Variants in CCNB3 observed in about 807,000 individuals in gnomAD.
CCNB3 encodes cyclin B3.
Under a neutral mutation model 68.0 loss-of-function variants are expected in CCNB3, and 12 were observed. The observed-to-expected ratio is 0.18, with a 90% CI of 0.11 to 0.29. The LOEUF is 0.29. CCNB3 is among the 10% of genes least tolerant of loss of function. The pLI is 1.00. For missense variants in CCNB3, 904 were observed against 993.1 expected (o/e 0.91, Z 1.21); for synonymous variants, 354 against 388.9 (o/e 0.91, Z 1.06).
chrX:50,289,417 A>T (rs782463055), intron 4 of CCNB3, among the ~76,000 whole-genome samples: 4 of 111,676 alleles, frequency 3.6e-5, no homozygotes, highest in African/African-American at 1.3e-4. Flanking sequence ...TCGAGTCTTT[A>T]TGAAGATCTA....
intron 1 of CCNB3, among the ~76,000 whole-genome samples, chrX:50,222,568 T>C (rs948117994): frequency 8.9e-5 from 10 of 111,815 alleles, no homozygotes; most frequent in Non-Finnish European, 1.7e-4. Context: ...TGAAAATTAT[T>C]TTCTTCAAGA....
chrX:50,321,562 A>G (rs1396535356), intron 8 of CCNB3, among the ~76,000 whole-genome samples: 1 of 111,607 alleles, frequency 9.0e-6, no homozygotes, highest in African/African-American at 3.2e-5. Context: ...CTTTATCATA[A>G]TACTTCAGTT....
chrX:50,207,072 G>C (rs1320901531), intron 1 of CCNB3, among the ~76,000 whole-genome samples: 46 of 111,965 alleles, frequency 4.1e-4, no homozygotes, highest in South Asian at 3.8e-4. Flanking sequence ...TCTCTTGACA[G>C]AATCACTCCC....
intron 9 of CCNB3, among the ~76,000 whole-genome samples, chrX:50,345,450 T>TTCCCTTGCTCCCTCACCTGCTCTC (rs1923354267): frequency 3.0e-5 from 3 of 99,777 alleles, no homozygotes; most frequent in Non-Finnish European, 4.1e-5. Context: ...TTTCCTCTCT[T>TTCCCTTGCTCCCTCACCTGCTCTC]TCCCTTGCTC....
chrX:50,302,116 T>C (rs1469936304), intron 5 of CCNB3, among the ~76,000 whole-genome samples: 3 of 112,436 alleles, frequency 2.7e-5, no homozygotes, highest in African/African-American at 9.7e-5. Flanking sequence ...CTTCAACTCG[T>C]GCATGGTGCG....
intron 8 of CCNB3, among the ~76,000 whole-genome samples, chrX:50,316,539 T>C (rs1557215791): frequency 8.9e-6 from 1 of 112,123 alleles, no homozygotes; most frequent in Admixed American, 9.4e-5. Flanking sequence ...TTGATTTGTG[T>C]AACTGCCACT....
chrX:50,347,516 C>A, intron 10 of CCNB3, 110 bp from the exon 11 acceptor site: 1 of 727,354 alleles, frequency 1.4e-6, no homozygotes, highest in Non-Finnish European at 2.0e-6. Flanking sequence ...AGGCACATTA[C>A]TCAAACAGAG....
intron 11 of CCNB3, 48 bp downstream of exon 11, chrX:50,347,823 G>A: frequency 8.7e-7 from 1 of 1,147,643 alleles, no homozygotes. Flanking sequence ...TTAAAAAGCA[G>A]AAGGTCAGCT....
In CCNB3 at chrX:50,279,315, A is replaced by G. The variant is rs1936030247; in HGVS notation, c.-112-5227A>G. Among the ~76,000 whole-genome samples the G allele has an allele frequency of 4.1e-5, 3 of 72,378 alleles. No individual in the cohort carries two copies. In the South Asian group the frequency reaches 2.1e-3, roughly 51 times the overall value. 62.9% of individuals were successfully genotyped at this position (72,378 alleles called of 115,157 possible). A position where few individuals can be genotyped will look rare whatever the true frequency, so the allele number is the denominator to read the frequency against. ...AAATATATATGAATATTTATATTTA[A>G]TATATATTTAAATATATATGAATAT... On this transcript the variant is annotated intron_variant, in intron 1 of 12. Transcript: ENST00000376042.
chrX:50,301,117 G>C (rs1002853075), intron 5 of CCNB3, among the ~76,000 whole-genome samples: 15 of 110,911 alleles, frequency 1.4e-4, no homozygotes, highest in African/African-American at 4.9e-4. Flanking sequence ...ATCTTCTGAG[G>C]CCTTCTTCTC....
chrX:50,337,171 G>T (rs1602245954), intron 8 of CCNB3, among the ~76,000 whole-genome samples: 3 of 109,898 alleles, frequency 2.7e-5, no homozygotes. Context: ...TTCTCCCATG[G>T]CTTCACTTCT....
At chrX:50,305,776 C>CTTTTTT (rs146498028) in intron 5 of CCNB3, among the ~76,000 whole-genome samples, 2 of 37,173 alleles carry the variant, frequency 5.4e-5, no homozygotes, top group Admixed American at 4.0e-4. Flanking sequence ...TTCTTTCTTT[C>CTTTTTT]TTTTTTTTTT....
chrX:50,215,941 CT>C (rs1195858030), intron 1 of CCNB3, among the ~76,000 whole-genome samples: 747 of 52,471 alleles, frequency 0.014, 8 homozygotes, highest in East Asian at 0.063. Context: ...GGGTGTGCTT[CT>C]TTTTTTTTTT....
intron 8 of CCNB3, among the ~76,000 whole-genome samples, chrX:50,338,439 C>T (rs781815333): frequency 1.3e-4 from 14 of 111,938 alleles, no homozygotes; most frequent in African/African-American, 3.9e-4. Flanking sequence ...GGGACATGAT[C>T]GATTGAGCAA....
At chrX:50,226,668 T>C (rs1935828709) in intron 1 of CCNB3, among the ~76,000 whole-genome samples, 1 of 81,602 alleles carries the variant, frequency 1.2e-5, no homozygotes, top group African/African-American at 4.8e-5. Context: ...TATAAATATA[T>C]ATAGAACATA....
intron 1 of CCNB3, among the ~76,000 whole-genome samples, chrX:50,217,845 A>G (rs1198117314): frequency 9.0e-6 from 1 of 111,641 alleles, no homozygotes; most frequent in Non-Finnish European, 1.9e-5. Flanking sequence ...CCTGTTTACG[A>G]TTTGCTTAGC....
intron 8 of CCNB3, among the ~76,000 whole-genome samples, chrX:50,323,074 C>T (rs1209049389): frequency 7.2e-5 from 8 of 111,802 alleles, no homozygotes; most frequent in East Asian, 2.8e-4. Flanking sequence ...ACTGGGTATA[C>T]ACCCAAAGGA....
chrX:50,228,378 G>C (rs1245040890), intron 1 of CCNB3, among the ~76,000 whole-genome samples: 1 of 84,386 alleles, frequency 1.2e-5, no homozygotes, highest in African/African-American at 4.2e-5. Flanking sequence ...ATAATATATA[G>C]AGGATATATC....
At chrX:50,343,208 T>G (rs908829042) in intron 9 of CCNB3, among the ~76,000 whole-genome samples, 9 of 110,516 alleles carry the variant, frequency 8.1e-5, no homozygotes, top group African/African-American at 3.0e-4. Flanking sequence ...TGACCCTTTC[T>G]AGGCCTAGGC....
Sources: gnomAD v4.1 joint callset for allele counts (sites outside exome capture counted in the v4.1 genomes callset) on GRCh38, gnomAD v4.1.1 for gene constraint, MANE v1.5 for transcripts, NCBI Gene and HGNC (gene_info 2026-07-23, HGNC 2026-07-21) for gene names.